Variants in MARCO observed in about 807,000 individuals in gnomAD.
The protein encoded by MARCO is macrophage receptor MARCO.
Under a neutral mutation model 70.0 loss-of-function variants are expected in MARCO, and 72 were observed. The observed-to-expected ratio is 1.03, with a 90% CI of 0.85 to 1.25. The LOEUF is 1.25. Ranked by LOEUF, MARCO falls within the 50% of genes most tolerant of loss-of-function variation. MARCO has a pLI of 0.00. For synonymous variants in MARCO, 273 were observed against 243.1 expected (o/e 1.12, Z -1.14); for missense variants, 696 against 659.3 (o/e 1.06, Z -0.61).
At chr2:118,965,913 A>G (rs1238575100) in intron 1 of MARCO, among the ~76,000 whole-genome samples, 1 of 152,194 alleles carries the variant, frequency 6.6e-6, no homozygotes, top group African/African-American at 2.4e-5. Context: ...AGTGAGATAC[A>G]TCAGGCCCAA....
In MARCO at chr2:118,948,672, C is replaced by T. The variant is rs982910479; in HGVS notation, c.97+6275C>T. 2.0e-5 allele frequency among the ~76,000 whole-genome samples: 3 copies of T among 152,142 alleles called. 1 individual carries two copies. The highest frequency in any genetic ancestry group is 1.3e-4 in the Admixed American group (2 of 15,272). On this transcript the variant is annotated intron_variant, in intron 1 of 16. Transcript: ENST00000327097. ...CCCTCCTCTTTTACTTTTTAGTTTT[C>T]CTCTTCAAACTTGCTTAACATGTCT...
Position 118,991,821 on chromosome 2 carries a change from G to A in MARCO, c.1153G>A (p.Gly385Ser). 1 of 1,600,394 alleles carries A rather than the reference G, an allele frequency of 6.2e-7. No homozygotes were observed. Among genetic ancestry groups the A allele is most frequent in the Non-Finnish European group, 8.5e-7 (1 of 1,174,786 alleles). Reference protein sequence around the residue: ...KGEQGSPGLAGPKGAPGQAGQ... With the variant: ...KGEQGSPGLASPKGAPGQAGQ... ...AGAACAGGGGAGCCCAGGGCTGGCA[G>A]GTCCCAAGGGAGCCCCTGGACAAGC... Residue 385 changes from glycine (G) to serine (S), a missense_variant, in exon 14 of 17, where the codon GGT (glycine) becomes AGT (serine). By Grantham distance (56) the Gly-to-Ser change is moderately conservative. This residue lies in a region of MARCO where 605 missense variants were observed against 537.6 expected (regional missense o/e 1.13). Coordinates refer to ENST00000327097, the MANE Select transcript of MARCO (RefSeq NM_006770.4).
At chr2:118,946,172 G>A (rs1464397970) in intron 1 of MARCO, among the ~76,000 whole-genome samples, 1 of 152,094 alleles carries the variant, frequency 6.6e-6, no homozygotes, top group Non-Finnish European at 1.5e-5. Context: ...TCCCCCAGTG[G>A]TAACATCTTA....
At position 118,969,285 on chromosome 2, in the gene MARCO, AG is replaced by A. The variant is rs767504014; in HGVS notation, c.199+25del. ...AGGTAAAGCAGGCTTGGTCCTGTGT[AG>A]TCCCTCCTGGGGGGAGAGGGGTGAC... On this transcript the variant is annotated intron_variant, in intron 2 of 16. Coordinates refer to ENST00000327097, the MANE Select transcript of MARCO (RefSeq NM_006770.4). 2.4e-5 allele frequency: 39 copies of A among 1,599,894 alleles called. No homozygotes were observed. The East Asian group carries it at 4.2e-4, about 17-fold the overall frequency.
intron 1 of MARCO, among the ~76,000 whole-genome samples, chr2:118,964,987 C>T (rs1465836471): frequency 6.6e-6 from 1 of 151,410 alleles, no homozygotes; most frequent in African/African-American, 2.4e-5. Flanking sequence ...ATTTTCTCTG[C>T]CTTTTTATGT....
At position 118,994,513 on chromosome 2, in the gene MARCO, G is replaced by T; in HGVS notation, c.1556G>T (p.Ser519Ile). The T allele has an allele frequency of 6.3e-7, 1 of 1,591,288 alleles. No homozygotes were observed. Among genetic ancestry groups the T allele is most frequent in the Non-Finnish European group, 8.6e-7 (1 of 1,168,390 alleles). Reference sequence around the variant, plus strand: ...GAGGAGGACGCAGGCGTGGAGTGCAGCGTCTGACCCGGAAACCCTTTCACT... The same window carrying T: ...GAGGAGGACGCAGGCGTGGAGTGCATCGTCTGACCCGGAAACCCTTTCACT... The part of the protein sequence containing the change: ...SHEEDAGVEC[S>I]V The change falls in exon 17 of 17, where the codon AGC (serine) becomes ATC (isoleucine). Residue 519 changes from serine (S) to isoleucine (I), a missense_variant. Physicochemically the swap from Ser to Ile is moderately radical, Grantham distance 142 (BLOSUM62 -2). Transcript: ENST00000327097.
At chr2:118,979,875 C>T (rs529387735) in intron 8 of MARCO, among the ~76,000 whole-genome samples, 1 of 152,196 alleles carries the variant, frequency 6.6e-6, no homozygotes, top group Non-Finnish European at 1.5e-5. Flanking sequence ...TGCTAGTAGA[C>T]AGATAAGCCA....
intron 1 of MARCO, among the ~76,000 whole-genome samples, chr2:118,954,625 G>A (rs558216152): frequency 1.3e-5 from 2 of 152,178 alleles, no homozygotes; most frequent in Non-Finnish European, 2.9e-5. Flanking sequence ...CAAAAATAGA[G>A]CATTAAACCA....
intron 1 of MARCO, among the ~76,000 whole-genome samples, chr2:118,961,697 T>C (rs564357592): frequency 6.6e-6 from 1 of 152,350 alleles, no homozygotes; most frequent in South Asian, 2.1e-4. Flanking sequence ...TAGTGTCTTT[T>C]GCTGTGCAAA....
chr2:118,976,533 C>T, intron 6 of MARCO, among the ~76,000 whole-genome samples: 1 of 152,148 alleles, frequency 6.6e-6, no homozygotes, highest in Admixed American at 6.5e-5. Flanking sequence ...CCTGCCCCTG[C>T]CCCTGCCCCA....
In MARCO at chr2:118,971,612, C is replaced by T. The variant is rs542805133; in HGVS notation, c.460+78C>T. The T allele has an allele frequency of 5.4e-6, 8 of 1,485,650 alleles. No homozygotes were observed. In the South Asian group the frequency reaches 8.1e-5, roughly 15 times the overall value. The allele number at this position is 1,485,650 out of a possible 1,614,324, so 92.0% of individuals were successfully genotyped here. On this transcript the variant is annotated intron_variant, in intron 4 of 16. Coordinates refer to ENST00000327097, the MANE Select transcript of MARCO (RefSeq NM_006770.4). ...AAAGGGCCCCTTGGCCTGTGCCATT[C>T]TGGGTCTGGACAGCTGACCCTAGCT...
chr2:118,959,047 T>C (rs1679890011), intron 1 of MARCO, among the ~76,000 whole-genome samples: 1 of 152,148 alleles, frequency 6.6e-6, no homozygotes, highest in Admixed American at 6.5e-5. Flanking sequence ...GAAGATAACA[T>C]TGGGAAAACC....
At chr2:118,981,728 C>T in intron 10 of MARCO, 72 bp downstream of exon 10, 4 of 1,413,204 alleles carry the variant, frequency 2.8e-6, no homozygotes, top group Non-Finnish European at 9.9e-7. Flanking sequence ...GGGGACCAGA[C>T]ACCACCATCT....
At chr2:118,946,246 A>G (rs960507363) in intron 1 of MARCO, among the ~76,000 whole-genome samples, 1 of 152,132 alleles carries the variant, frequency 6.6e-6, no homozygotes, top group Non-Finnish European at 1.5e-5. Context: ...GAGCTTATTC[A>G]TTAGTTTTAC....
rs11898690 is a variant in MARCO, at chr2:118,947,147, T to C, written c.97+4750T>C. Reference sequence around the variant, plus strand: ...ATGTTCATATCAGCATCTTTTACAATGCAAAAGTTTTTAATTCTGACAAGG... The same window carrying C: ...ATGTTCATATCAGCATCTTTTACAACGCAAAAGTTTTTAATTCTGACAAGG... On this transcript the variant is annotated intron_variant, in intron 1 of 16. Coordinates refer to ENST00000327097, the MANE Select transcript of MARCO (RefSeq NM_006770.4). Among the ~76,000 whole-genome samples the C allele has an allele frequency of 2.5e-3, 376 of 152,332 alleles. 1 individual carries two copies. The highest frequency in any genetic ancestry group is 8.1e-3 in the African/African-American group (338 of 41,578).
At chr2:118,951,985 C>T (rs1446806365) in intron 1 of MARCO, among the ~76,000 whole-genome samples, 1 of 152,078 alleles carries the variant, frequency 6.6e-6, no homozygotes, top group Non-Finnish European at 1.5e-5. Flanking sequence ...CTCCTCTCTG[C>T]TGGTCTTTCC....
intron 1 of MARCO, chr2:118,949,225 G>A (rs1679669600): frequency 6.6e-6 from 1 of 152,184 alleles, no homozygotes; most frequent in Non-Finnish European, 1.5e-5. Flanking sequence ...ATGTCCCCTT[G>A]ATTTGAGGAC....
chr2:118,990,682 C>G, intron 13 of MARCO, 49 bp downstream of exon 13: 6 of 1,576,932 alleles, frequency 3.8e-6, no homozygotes, highest in Non-Finnish European at 5.2e-6. Context: ...ACGGGGAAGG[C>G]CTGCCTTCTC....
intron 1 of MARCO, among the ~76,000 whole-genome samples, chr2:118,952,035 C>T (rs1679732444): frequency 6.6e-6 from 1 of 152,174 alleles, no homozygotes; most frequent in South Asian, 2.1e-4. Flanking sequence ...TCTCCCTTCT[C>T]CTTCCCCTTC....
Sources: gnomAD v4.1 joint callset for allele counts (sites outside exome capture counted in the v4.1 genomes callset) on GRCh38, gnomAD v4.1.1 for gene constraint, gnomAD v4.1.1 regional missense constraint, MANE v1.5 for transcripts, NCBI Gene and HGNC (gene_info 2026-07-23, HGNC 2026-07-21) for gene names.